Variants in NDST3 observed in about 807,000 individuals in gnomAD.
NDST3 encodes the protein N-deacetylase and N-sulfotransferase 3.
A neutral mutation model predicts 96.1 loss-of-function variants in NDST3; 58 were observed. The observed-to-expected ratio is 0.60, with a 90% confidence interval of 0.49 to 0.75. The LOEUF (loss-of-function observed/expected upper bound fraction) is 0.75. Ranked by LOEUF, NDST3 falls within the 30% of genes least tolerant of loss-of-function variation. The probability of loss-of-function intolerance (pLI) is 0.00; values close to 1 mark genes in which losing one functional copy is unlikely to be tolerated. For missense variants in NDST3, 788 were observed against 1,034.2 expected (o/e 0.76, Z 3.27); for synonymous variants, 333 against 359.7 (o/e 0.93, Z 0.84).
At chr4:118,099,228 C>A (rs1036232882) in intron 2 of NDST3, among the ~76,000 whole-genome samples, 3 of 152,030 alleles carry the variant, frequency 2.0e-5, no homozygotes, top group African/African-American at 7.2e-5. Context: ...AGTCCTAAGT[C>A]ACTCGGATTT....
At chr4:118,179,792 A>G (rs2125948749) in intron 6 of NDST3, among the ~76,000 whole-genome samples, 1 of 152,210 alleles carries the variant, frequency 6.6e-6, no homozygotes, top group East Asian at 1.9e-4. Context: ...TCAGATACTA[A>G]AAAGTTCTCC....
chr4:118,064,021 G>A (rs1398254273), intron 2 of NDST3, among the ~76,000 whole-genome samples: 8 of 152,112 alleles, frequency 5.3e-5, no homozygotes, highest in South Asian at 2.1e-4. Flanking sequence ...TAGATTTACC[G>A]ATAAGTCTGG....
intron 5 of NDST3, among the ~76,000 whole-genome samples, chr4:118,142,828 C>T (rs1336250326): frequency 6.6e-6 from 1 of 152,052 alleles, no homozygotes; most frequent in South Asian, 2.1e-4. Flanking sequence ...AACCTTATCA[C>T]GAGTGTATAT....
At chr4:118,067,388 G>C (rs1344559277) in intron 2 of NDST3, among the ~76,000 whole-genome samples, 2 of 152,044 alleles carry the variant, frequency 1.3e-5, no homozygotes, top group Non-Finnish European at 2.9e-5. Flanking sequence ...TACTTTCCCA[G>C]TCTATGTCAT....
chr4:118,216,604 T>C lies in NDST3; in HGVS notation c.1540-7887T>C, dbSNP rs146078294. Among the ~76,000 whole-genome samples, 927 of 152,168 alleles carry C rather than the reference T, an allele frequency of 6.1e-3. 6 individuals are homozygous for C. The highest frequency in any genetic ancestry group is 0.01 in the Middle Eastern group (3 of 294). ...TGGTGGAGCCCTCTTTCTTAATCAC[T>C]GTACAGGCCAAAGGCAAAGACATAA... On this transcript the variant is annotated intron_variant, in intron 6 of 13. Transcript: ENST00000296499.
At chr4:118,238,889 G>A (rs1370542328) in intron 10 of NDST3, among the ~76,000 whole-genome samples, 1 of 152,214 alleles carries the variant, frequency 6.6e-6, no homozygotes, top group African/African-American at 2.4e-5. Flanking sequence ...GGAAAGATAC[G>A]TAAGGGGATA....
At chr4:118,200,225 G>T (rs1372986832) in intron 6 of NDST3, among the ~76,000 whole-genome samples, 3 of 152,184 alleles carry the variant, frequency 2.0e-5, no homozygotes, top group Non-Finnish European at 4.4e-5. Context: ...TCTACCTGGT[G>T]TTCTATTGTA....
intron 6 of NDST3, among the ~76,000 whole-genome samples, chr4:118,151,428 C>T (rs1398841559): frequency 6.6e-6 from 1 of 151,480 alleles, no homozygotes; most frequent in Non-Finnish European, 1.5e-5. Context: ...ACAACAACAA[C>T]AAAAATAAAA....
In NDST3 at chr4:118,090,873, T is replaced by C. The variant is rs186140573; in HGVS notation, c.982-14145T>C. ...AGAAGAGTTTTATGAAAGGGTCTGA[T>C]TGGATGAGATGTAAAGAGATAAAAT... On this transcript the variant is annotated intron_variant, in intron 2 of 13. Coordinates refer to ENST00000296499, the MANE Select transcript of NDST3 (RefSeq NM_004784.3). Among the ~76,000 whole-genome samples the C allele has an allele frequency of 1.6e-3, 239 of 151,990 alleles. 1 individual carries two copies. The highest frequency in any genetic ancestry group is 5.2e-3 in the South Asian group (25 of 4,826).
At chr4:118,222,196 G>A (rs578162045) in intron 6 of NDST3, among the ~76,000 whole-genome samples, 1 of 151,952 alleles carries the variant, frequency 6.6e-6, no homozygotes, top group African/African-American at 2.4e-5. Context: ...AATGTCATAG[G>A]TCAGTACACA....
intron 6 of NDST3, among the ~76,000 whole-genome samples, chr4:118,164,436 C>T (rs570056139): frequency 2.6e-5 from 4 of 152,138 alleles, no homozygotes; most frequent in Non-Finnish European, 4.4e-5. Flanking sequence ...TACATCTAAC[C>T]GCTGTGACAT....
chr4:118,114,283 C>T (rs1402358337), intron 3 of NDST3, among the ~76,000 whole-genome samples: 1 of 152,162 alleles, frequency 6.6e-6, no homozygotes, highest in Non-Finnish European at 1.5e-5. Context: ...CAACGATTTC[C>T]ACATTTCCTT....
At chr4:118,250,861 T>C (rs1741659121) in intron 12 of NDST3, among the ~76,000 whole-genome samples, 1 of 152,028 alleles carries the variant, frequency 6.6e-6, no homozygotes, top group South Asian at 2.1e-4. Flanking sequence ...ACAAGTTCTA[T>C]ATTAGATATA....
At chr4:118,201,441 G>A (rs975946028) in intron 6 of NDST3, among the ~76,000 whole-genome samples, 1 of 152,166 alleles carries the variant, frequency 6.6e-6, no homozygotes, top group Non-Finnish European at 1.5e-5. Flanking sequence ...ATCTTCACCA[G>A]CATCTGTTGT....
chr4:118,090,105 C>T (rs929047939), intron 2 of NDST3, among the ~76,000 whole-genome samples: 8 of 151,900 alleles, frequency 5.3e-5, no homozygotes, highest in Non-Finnish European at 8.8e-5. Flanking sequence ...CTGATCCTCA[C>T]GACATTGTCT....
In NDST3 at chr4:118,096,239, G is replaced by A. The variant is rs75388895; in HGVS notation, c.982-8779G>A. ...ATACAGATGCTCCTTGAAATACACT[G>A]GGATTATATTCTCATGTATTGAATG... On this transcript the variant is annotated intron_variant, in intron 2 of 13. Coordinates refer to ENST00000296499, the MANE Select transcript of NDST3 (RefSeq NM_004784.3). 8.8e-3 allele frequency among the ~76,000 whole-genome samples: 1,344 copies of A among 151,908 alleles called. 24 individuals carry two copies. Among genetic ancestry groups the A allele is most frequent in the Middle Eastern group, 0.082 (24 of 294 alleles).
chr4:118,222,415 AAAAG>A (rs1560727585), intron 6 of NDST3, among the ~76,000 whole-genome samples: 3 of 152,002 alleles, frequency 2.0e-5, no homozygotes, highest in Non-Finnish European at 4.4e-5. Flanking sequence ...AAAAAGTTCA[AAAAG>A]AAATTGAAAT....
chr4:118,242,211 G>A (rs536380086), intron 12 of NDST3, 62 bp downstream of exon 12: 8 of 1,204,470 alleles, frequency 6.6e-6, no homozygotes, highest in African/African-American at 4.6e-5. Flanking sequence ...CAAAGAAATT[G>A]CAGTTTGGTC....
At chr4:118,186,058 G>C (rs1736932329) in intron 6 of NDST3, among the ~76,000 whole-genome samples, 1 of 152,044 alleles carries the variant, frequency 6.6e-6, no homozygotes, top group South Asian at 2.1e-4. Context: ...GTTATTTTTT[G>C]GGTAACGGTC....
Sources: gnomAD v4.1 joint callset for allele counts (sites outside exome capture counted in the v4.1 genomes callset) on GRCh38, gnomAD v4.1.1 for gene constraint, MANE v1.5 for transcripts, NCBI Gene and HGNC (gene_info 2026-07-23, HGNC 2026-07-21) for gene names.